PCLO: variants seen among roughly 807,000 people sequenced by gnomAD.
PCLO encodes the protein piccolo presynaptic cytomatrix protein, also known as protein piccolo.
A neutral mutation model predicts 427.5 loss-of-function variants in PCLO; 82 were observed. That is an observed-to-expected ratio of 0.19 (90% CI 0.16 to 0.23). PCLO has a LOEUF of 0.23. PCLO is among the 10% of genes least tolerant of loss of function. The pLI is 1.00. For synonymous variants in PCLO, 2,357 were observed against 2,155.4 expected (o/e 1.09, Z -2.59); for missense variants, 6,239 against 6,115.9 (o/e 1.02, Z -0.67).
At chr7:83,055,280 G>A (rs185355305) in intron 3 of PCLO, among the ~76,000 whole-genome samples, 2 of 152,168 alleles carry the variant, frequency 1.3e-5, no homozygotes, top group African/African-American at 2.4e-5. Context: ...GCCTAGAGAA[G>A]AATTTTAGAA....
intron 3 of PCLO, among the ~76,000 whole-genome samples, chr7:83,107,268 T>C (rs1481912727): frequency 1.3e-5 from 2 of 152,128 alleles, no homozygotes; most frequent in East Asian, 3.9e-4. Context: ...AAAATGTACC[T>C]CTATTTACAT....
At chr7:82,759,373 T>A (rs1327661119) in intron 24 of PCLO, among the ~76,000 whole-genome samples, 1 of 151,918 alleles carries the variant, frequency 6.6e-6, no homozygotes, top group Non-Finnish European at 1.5e-5. Flanking sequence ...TTACCCTTAT[T>A]CCTGGCGAAA....
chr7:83,153,412 T>G (rs1363819335), intron 2 of PCLO, among the ~76,000 whole-genome samples: 4 of 152,130 alleles, frequency 2.6e-5, no homozygotes, highest in South Asian at 2.1e-4. Flanking sequence ...TGACATATTT[T>G]AAATTTGCAT....
intron 10 of PCLO, among the ~76,000 whole-genome samples, chr7:82,852,190 T>C (rs898115470): frequency 1.3e-5 from 2 of 152,172 alleles, no homozygotes; most frequent in African/African-American, 4.8e-5. Flanking sequence ...GGGTATATTT[T>C]CCTGAGTATA....
chr7:82,808,999 T>A (rs1169713590), intron 20 of PCLO, among the ~76,000 whole-genome samples: 3 of 151,976 alleles, frequency 2.0e-5, no homozygotes, highest in Non-Finnish European at 2.9e-5. Flanking sequence ...ATCCGTATTT[T>A]AATATATCTT....
chr7:83,124,932 T>A (rs533872587), intron 3 of PCLO, among the ~76,000 whole-genome samples: 2 of 152,122 alleles, frequency 1.3e-5, no homozygotes, highest in Non-Finnish European at 2.9e-5. Flanking sequence ...TTTTTGCATT[T>A]TTTGGTGGAG....
At chr7:82,868,707 T>C (rs1793157116) in intron 10 of PCLO, among the ~76,000 whole-genome samples, 1 of 152,182 alleles carries the variant, frequency 6.6e-6, no homozygotes, top group Non-Finnish European at 1.5e-5. Flanking sequence ...ACATAGGATA[T>C]CACTGGTTTT....
At chr7:82,767,701 AT>A (rs146747314) in intron 22 of PCLO, among the ~76,000 whole-genome samples, 3,834 of 152,232 alleles carry the variant, frequency 0.025, 158 homozygotes, top group African/African-American at 0.086. Context: ...CTATTTAAAA[AT>A]ATCAAATTAT....
chr7:83,160,412 C>T (rs1198074430), intron 1 of PCLO, among the ~76,000 whole-genome samples: 1 of 152,056 alleles, frequency 6.6e-6, no homozygotes, highest in Non-Finnish European at 1.5e-5. Context: ...AACTCTATAA[C>T]TTTAAAAGTC....
intron 22 of PCLO, among the ~76,000 whole-genome samples, chr7:82,773,239 G>T (rs1056046712): frequency 1.2e-4 from 18 of 152,250 alleles, no homozygotes; most frequent in African/African-American, 3.9e-4. Context: ...ACCAGAAAAA[G>T]TATAATGTAA....
At chr7:82,931,607 C>T (rs1405387372) in intron 6 of PCLO, among the ~76,000 whole-genome samples, 1 of 152,074 alleles carries the variant, frequency 6.6e-6, no homozygotes, top group East Asian at 1.9e-4. Context: ...GGACTGGGGG[C>T]TTCAGTTCCC....
intron 3 of PCLO, among the ~76,000 whole-genome samples, chr7:82,989,995 A>C (rs1296357601): frequency 6.6e-6 from 1 of 152,146 alleles, no homozygotes; most frequent in Non-Finnish European, 1.5e-5. Flanking sequence ...TTAGTAGAAA[A>C]AGATTTCCTA....
At chr7:83,133,511 TTA>T (rs1791626743) in intron 3 of PCLO, among the ~76,000 whole-genome samples, 1 of 152,060 alleles carries the variant, frequency 6.6e-6, no homozygotes, top group Non-Finnish European at 1.5e-5. Context: ...CGTCTGCTTT[TTA>T]GTCATTTACA....
rs1472140234 is a variant in PCLO, at chr7:82,899,353, G to T, written c.13528+3298C>A. ...GGAAATATTCAGTGCCAGTTTCTCT[G>T]GCACTGGTTTAAAACTTCCAGACAT... On this transcript the variant is annotated intron_variant, in intron 9 of 24. Coordinates refer to ENST00000333891, the MANE Select transcript of PCLO (RefSeq NM_033026.6). 4.6e-5 allele frequency among the ~76,000 whole-genome samples: 7 copies of T among 151,386 alleles called. No homozygotes were observed. In the East Asian group the frequency reaches 1.4e-3, roughly 29 times the overall value.
chr7:83,130,389 C>T (rs1301767525), intron 3 of PCLO, among the ~76,000 whole-genome samples: 1 of 152,146 alleles, frequency 6.6e-6, no homozygotes, highest in Non-Finnish European at 1.5e-5. Flanking sequence ...GTTGGCCAGG[C>T]TGGTCTCAAA....
At chr7:83,119,774 G>A (rs186011560) in intron 3 of PCLO, among the ~76,000 whole-genome samples, 1 of 149,652 alleles carries the variant, frequency 6.7e-6, no homozygotes, top group Admixed American at 6.7e-5. Flanking sequence ...TTTTGAGGAA[G>A]CTTAACAAAA....
At chr7:83,044,004 T>C (rs1789041262) in intron 3 of PCLO, among the ~76,000 whole-genome samples, 1 of 141,408 alleles carries the variant, frequency 7.1e-6, no homozygotes, top group African/African-American at 2.6e-5. Flanking sequence ...AAATACTACC[T>C]GAGACTGGGT....
chr7:82,837,181 A>C (rs1249294275), intron 15 of PCLO, among the ~76,000 whole-genome samples: 1 of 152,086 alleles, frequency 6.6e-6, no homozygotes, highest in Non-Finnish European at 1.5e-5. Flanking sequence ...TAATTATAAT[A>C]GCTGGGATTT....
At chr7:83,124,640 G>A (rs1417105174) in intron 3 of PCLO, among the ~76,000 whole-genome samples, 2 of 152,122 alleles carry the variant, frequency 1.3e-5, no homozygotes, top group East Asian at 1.9e-4. Context: ...ACTACTATAC[G>A]ATCCAGCAAT....
Sources: gnomAD v4.1 joint callset for allele counts (sites outside exome capture counted in the v4.1 genomes callset) on GRCh38, gnomAD v4.1.1 for gene constraint, MANE v1.5 for transcripts, NCBI Gene and HGNC (gene_info 2026-07-23, HGNC 2026-07-21) for gene names.